The following SDK1 variants were observed in gnomAD, a reference collection of about 807,000 sequenced individuals.
The protein encoded by SDK1 is protein sidekick-1.
SDK1 carries 157 observed loss-of-function variants against 245.5 expected under a neutral mutation model. The observed-to-expected ratio is 0.64, with a 90% confidence interval of 0.56 to 0.73. The LOEUF (loss-of-function observed/expected upper bound fraction) is 0.73, where lower values mean the gene tolerates loss of function less well. Ranked by LOEUF, SDK1 falls within the 30% of genes least tolerant of loss-of-function variation. The pLI, the probability that SDK1 is intolerant of heterozygous loss-of-function variation, is 0.00. For missense variants in SDK1, 3,583 were observed against 3,002.3 expected (o/e 1.19, Z -4.52); for synonymous variants, 1,647 against 1,278.5 (o/e 1.29, Z -6.15).
intron 22 of SDK1, among the ~76,000 whole-genome samples, chr7:4,092,311 C>A (rs12701399): frequency 0.29 from 44,158 of 152,004 alleles, 7,951 homozygotes; most frequent in African/African-American, 0.51. Context: ...TGCTCGCCTA[C>A]CCCCTGTCCC....
chr7:3,590,463 A>C (rs1337897950), intron 1 of SDK1, among the ~76,000 whole-genome samples: 2 of 152,234 alleles, frequency 1.3e-5, no homozygotes, highest in South Asian at 4.1e-4. Flanking sequence ...AACTATACCA[A>C]CAAGTGAATT....
chr7:3,849,251 C>G (rs557064565), intron 5 of SDK1, among the ~76,000 whole-genome samples: 3 of 152,176 alleles, frequency 2.0e-5, no homozygotes, highest in Non-Finnish European at 4.4e-5. Context: ...ATGTCTTCCC[C>G]GGAGATGCAC....
intron 26 of SDK1, among the ~76,000 whole-genome samples, chr7:4,128,770 G>A (rs1358076341): frequency 1.4e-5 from 2 of 147,498 alleles, no homozygotes; most frequent in Admixed American, 6.7e-5. Flanking sequence ...CTGGAGGAGA[G>A]CAGCTTAGGG....
At chr7:3,338,276 G>C (rs780892062) in intron 1 of SDK1, 156 of 453,474 alleles carry the variant, frequency 3.4e-4, no homozygotes, top group Non-Finnish European at 5.6e-4. Context: ...GTTCAGAAAG[G>C]AAGCCCCACA....
chr7:3,442,582 C>T (rs1055382898), intron 1 of SDK1, among the ~76,000 whole-genome samples: 1 of 152,182 alleles, frequency 6.6e-6, no homozygotes, highest in Non-Finnish European at 1.5e-5. Context: ...GTTCAAATCA[C>T]CACTCTGCCC....
intron 1 of SDK1, among the ~76,000 whole-genome samples, chr7:3,327,086 C>T (rs956657318): frequency 6.6e-6 from 1 of 152,152 alleles, no homozygotes; most frequent in Non-Finnish European, 1.5e-5. Flanking sequence ...TAACCAGACT[C>T]TGAGCTGGTT....
chr7:3,645,844 T>G (rs1258659342), intron 4 of SDK1, among the ~76,000 whole-genome samples: 3 of 152,080 alleles, frequency 2.0e-5, no homozygotes, highest in Non-Finnish European at 4.4e-5. Context: ...AGGTGAAGTT[T>G]CTGCACCTAT....
chr7:3,617,102 A>G (rs1461302608), intron 1 of SDK1, among the ~76,000 whole-genome samples: 1 of 152,216 alleles, frequency 6.6e-6, no homozygotes, highest in Admixed American at 6.5e-5. Flanking sequence ...GGGTATAATG[A>G]TGACATCTAT....
chr7:4,158,337 C>T (rs1780899469), intron 30 of SDK1, 111 bp from the exon 31 acceptor site: 1 of 805,228 alleles, frequency 1.2e-6, no homozygotes, highest in Admixed American at 2.3e-5. Flanking sequence ...GAGCCCAGAG[C>T]TCTCAGGGCA....
intron 1 of SDK1, among the ~76,000 whole-genome samples, chr7:3,354,539 G>A (rs1780743482): frequency 1.3e-5 from 2 of 152,202 alleles, no homozygotes; most frequent in Non-Finnish European, 2.9e-5. Context: ...TCAATTGTAA[G>A]AATATTTTGT....
At position 3,562,781 on chromosome 7, in the gene SDK1, C is replaced by T. The variant is rs77878609; in HGVS notation, c.299-56299C>T. Among the ~76,000 whole-genome samples the T allele has an allele frequency of 2.5e-3, 375 of 152,270 alleles. 4 individuals are homozygous for T. Among genetic ancestry groups the T allele is most frequent in the African/African-American group, 8.8e-3 (365 of 41,554 alleles). On this transcript the variant is annotated intron_variant, in intron 1 of 44. Coordinates refer to ENST00000404826, the MANE Select transcript of SDK1 (RefSeq NM_152744.4). ...TTTTATTTCCAGCCCAATTGTCACT[C>T]ACACGTGAGGATATAAGAAGTATCT...
At chr7:3,625,309 A>G (rs1782079449) in intron 2 of SDK1, among the ~76,000 whole-genome samples, 1 of 152,220 alleles carries the variant, frequency 6.6e-6, no homozygotes, top group South Asian at 2.1e-4. Context: ...GTTTTGTATA[A>G]AAGATACAAA....
chr7:3,817,190 G>A (rs112672310), intron 4 of SDK1, among the ~76,000 whole-genome samples: 152 of 152,208 alleles, frequency 1.0e-3, no homozygotes, highest in African/African-American at 3.6e-3. Flanking sequence ...GCAAGTTTTG[G>A]GAGCTCATCA....
At chr7:4,065,141 C>G (rs985990960) in intron 19 of SDK1, among the ~76,000 whole-genome samples, 1 of 152,292 alleles carries the variant, frequency 6.6e-6, no homozygotes, top group African/African-American at 2.4e-5. Flanking sequence ...GTTACACAGT[C>G]AGTGCCTGTA....
chr7:4,208,374 C>A, intron 37 of SDK1, 89 bp downstream of exon 37: 1 of 1,246,490 alleles, frequency 8.0e-7, no homozygotes, highest in Non-Finnish European at 1.1e-6. Context: ...CAGTGGTTCC[C>A]GGCCCGCCCA....
intron 5 of SDK1, among the ~76,000 whole-genome samples, chr7:3,825,109 G>A (rs1438507446): frequency 6.6e-6 from 1 of 152,072 alleles, no homozygotes; most frequent in Non-Finnish European, 1.5e-5. Context: ...AATTTTTCAT[G>A]GCCAGCTCCC....
chr7:3,847,207 C>G (rs1283283126), intron 5 of SDK1, among the ~76,000 whole-genome samples: 2 of 152,136 alleles, frequency 1.3e-5, no homozygotes, highest in Non-Finnish European at 1.5e-5. Context: ...CACATGTGTG[C>G]CCTGCTGTCT....
intron 4 of SDK1, among the ~76,000 whole-genome samples, chr7:3,810,510 A>T (rs1779358638): frequency 6.6e-6 from 1 of 152,216 alleles, no homozygotes; most frequent in Non-Finnish European, 1.5e-5. Flanking sequence ...AATTAGTTAA[A>T]ATAACAAAAG....
chr7:3,630,510 C>T (rs1440392532), intron 2 of SDK1, among the ~76,000 whole-genome samples: 7 of 152,236 alleles, frequency 4.6e-5, no homozygotes, highest in Admixed American at 3.9e-4. Flanking sequence ...GTGGTGCATG[C>T]CTATAATCCC....
Sources: gnomAD v4.1 joint callset for allele counts (sites outside exome capture counted in the v4.1 genomes callset) on GRCh38, gnomAD v4.1.1 for gene constraint, MANE v1.5 for transcripts, NCBI Gene and HGNC (gene_info 2026-07-23, HGNC 2026-07-21) for gene names.